The following NRG4 variants were observed in gnomAD, a reference collection of about 807,000 sequenced individuals.
NRG4 encodes the protein neuregulin 4.
Under a neutral mutation model 15.0 loss-of-function variants are expected in NRG4, and 10 were observed. The ratio of observed to expected loss-of-function variants is 0.67; its 90% CI spans 0.41 to 1.13. The LOEUF (loss-of-function observed/expected upper bound fraction) is 1.13, where lower values mean the gene tolerates loss of function less well. Ranked by LOEUF, NRG4 falls within the 50% of genes most tolerant of loss-of-function variation. The pLI is 0.00. For synonymous variants in NRG4, 41 were observed against 50.1 expected, an observed-to-expected ratio of 0.82 and a Z score of 0.77; for missense variants, 139 against 140.2, an observed-to-expected ratio of 0.99 and a Z score of 0.04.
At chr15:76,030,309 G>T (rs980268842) in intron 5 of NRG4, among the ~76,000 whole-genome samples, 1 of 152,008 alleles carries the variant, frequency 6.6e-6, no homozygotes, top group Non-Finnish European at 1.5e-5. Flanking sequence ...CAAAGCTGCA[G>T]CCATCATGCT....
intron 5 of NRG4, among the ~76,000 whole-genome samples, chr15:75,944,201 T>A (rs2031295617): frequency 6.6e-6 from 1 of 152,220 alleles, no homozygotes; most frequent in African/African-American, 2.4e-5. Context: ...AACATGGGTT[T>A]AACCTCCCTA....
chr15:75,960,538 A>G (rs1005053577), intron 4 of NRG4, among the ~76,000 whole-genome samples: 1 of 152,198 alleles, frequency 6.6e-6, no homozygotes, highest in African/African-American at 2.4e-5. Context: ...GGGATGGCTC[A>G]TTAAAATGGC....
At chr15:75,969,830 T>C (rs985349729) in intron 3 of NRG4, among the ~76,000 whole-genome samples, 2 of 152,334 alleles carry the variant, frequency 1.3e-5, no homozygotes, top group South Asian at 2.1e-4. Context: ...ACAAAATGCA[T>C]AGCTAAACAG....
At chr15:75,944,943 C>CT (rs5813811) in intron 5 of NRG4, among the ~76,000 whole-genome samples, 2 of 146,084 alleles carry the variant, frequency 1.4e-5, no homozygotes, top group African/African-American at 2.5e-5. Context: ...TAATTTAATA[C>CT]TTTTTTTAAT....
intron 3 of NRG4, among the ~76,000 whole-genome samples, chr15:75,984,635 T>C (rs558472981): frequency 2.0e-5 from 3 of 152,104 alleles, no homozygotes; most frequent in Non-Finnish European, 4.4e-5. Flanking sequence ...CAGGGCCTAC[T>C]GGGAGGCAGG....
intron 3 of NRG4, among the ~76,000 whole-genome samples, chr15:75,986,678 C>T (rs1042572815): frequency 1.2e-4 from 19 of 152,012 alleles, no homozygotes; most frequent in African/African-American, 3.4e-4. Context: ...GATTTTTGGA[C>T]CATATAAATT....
At chr15:75,948,089 T>C (rs1249382249) in intron 5 of NRG4, among the ~76,000 whole-genome samples, 1 of 152,146 alleles carries the variant, frequency 6.6e-6, no homozygotes, top group Non-Finnish European at 1.5e-5. Context: ...TTGTGAACCT[T>C]TTCTCCCATT....
chr15:76,018,142 G>A (rs2035043502), intron 5 of NRG4, among the ~76,000 whole-genome samples: 2 of 152,004 alleles, frequency 1.3e-5, no homozygotes, highest in Non-Finnish European at 1.5e-5. Context: ...GTGTATGCTT[G>A]TTGAAGTTCT....
At chr15:76,017,428 A>G (rs1299248099) in intron 5 of NRG4, among the ~76,000 whole-genome samples, 2 of 152,084 alleles carry the variant, frequency 1.3e-5, no homozygotes, top group African/African-American at 2.4e-5. Flanking sequence ...CAGTTTCTTC[A>G]TAGTGTCGAT....
intron 3 of NRG4, chr15:75,971,205 G>T (rs1436252442): frequency 2.2e-6 from 1 of 455,136 alleles, no homozygotes; most frequent in Admixed American, 2.4e-5. Flanking sequence ...CTTTAAGCCA[G>T]TTGTGACATC....
At chr15:75,969,311 C>G (rs1283102682) in intron 3 of NRG4, 2 of 440,996 alleles carry the variant, frequency 4.5e-6, no homozygotes, top group Non-Finnish European at 9.2e-6. Flanking sequence ...TGAACTCTTA[C>G]TGATGACATA....
intron 4 of NRG4, among the ~76,000 whole-genome samples, chr15:76,037,843 C>T (rs925948437): frequency 2.6e-5 from 4 of 152,106 alleles, no homozygotes; most frequent in Admixed American, 2.0e-4. Flanking sequence ...ACTCCCTTTC[C>T]GCTTGAGAGG....
chr15:76,033,293 C>T (rs966412370), intron 5 of NRG4, among the ~76,000 whole-genome samples: 5 of 152,224 alleles, frequency 3.3e-5, no homozygotes, highest in East Asian at 3.9e-4. Flanking sequence ...TGGTGGCTCA[C>T]GCCTGTCATC....
chr15:75,952,307 G>A (rs1342169003), intron 5 of NRG4, among the ~76,000 whole-genome samples: 1 of 151,996 alleles, frequency 6.6e-6, no homozygotes, highest in African/African-American at 2.4e-5. Context: ...TGCCTGTTCT[G>A]GGCATTTCAT....
chr15:75,956,236 A>G (rs1454263555), intron 4 of NRG4, among the ~76,000 whole-genome samples: 3 of 152,228 alleles, frequency 2.0e-5, no homozygotes, highest in South Asian at 2.1e-4. Flanking sequence ...TAACAAATCC[A>G]TTAGTACACA....
At chr15:76,048,144 C>A (rs2035916086) in intron 4 of NRG4, among the ~76,000 whole-genome samples, 1 of 146,972 alleles carries the variant, frequency 6.8e-6, no homozygotes, top group Non-Finnish European at 1.5e-5. Context: ...ACAAGAGAAA[C>A]CCTGTTTCAA....
chr15:76,043,368 T>C (rs1596057102), intron 4 of NRG4, among the ~76,000 whole-genome samples: 1 of 152,226 alleles, frequency 6.6e-6, no homozygotes, highest in East Asian at 1.9e-4. Context: ...TATCATTGTT[T>C]GCAGATTATT....
At chr15:75,957,307 ACT>A (rs2032287964) in intron 4 of NRG4, among the ~76,000 whole-genome samples, 1 of 152,096 alleles carries the variant, frequency 6.6e-6, no homozygotes, top group Admixed American at 6.5e-5. Flanking sequence ...CTGAGGGATA[ACT>A]CTCTCAAAGT....
At chr15:75,940,124 A>G (rs1323055477), downstream of NRG4, 2 of 146,796 alleles carry the variant, frequency 1.4e-5, no homozygotes, top group Non-Finnish European at 3.0e-5. Context: ...AAAAAAAAAA[A>G]TAACTGTTAA....
Sources: gnomAD v4.1 joint callset for allele counts (sites outside exome capture counted in the v4.1 genomes callset) on GRCh38, gnomAD v4.1.1 for gene constraint, MANE v1.5 for transcripts, NCBI Gene and HGNC (gene_info 2026-07-23, HGNC 2026-07-21) for gene names.